Variants in CCL17 observed in about 807,000 individuals in gnomAD.
The protein encoded by CCL17 is C-C motif chemokine 17.
In CCL17, 8 loss-of-function variants were observed where a neutral mutation model predicts 7.4. That is an observed-to-expected ratio of 1.09 (90% confidence interval 0.64 to 1.96). The LOEUF is 1.96. Ranked by LOEUF, CCL17 falls within the 30% of genes most tolerant of loss-of-function variation. The probability of loss-of-function intolerance (pLI) is 0.00; values close to 1 mark genes in which losing one functional copy is unlikely to be tolerated. For synonymous variants in CCL17, 40 were observed against 46.1 expected (o/e 0.87, Z 0.54); for missense variants, 102 against 113.0 (o/e 0.90, Z 0.44).
chr16:57,399,713 G>A, the CCL17 span, among the ~76,000 whole-genome samples: 1 of 152,204 alleles, frequency 6.6e-6, no homozygotes, highest in African/African-American at 2.4e-5. Context: ...CCTCCCAAGT[G>A]TTGGTATTAC....
the CCL17 span, among the ~76,000 whole-genome samples, chr16:57,397,572 A>G: frequency 6.6e-6 from 1 of 151,466 alleles, no homozygotes; most frequent in Non-Finnish European, 1.5e-5. Context: ...CACCTTTTTG[A>G]TGGCTTCAGC....
chr16:57,399,192 TC>T, the CCL17 span, among the ~76,000 whole-genome samples: 1 of 152,176 alleles, frequency 6.6e-6, no homozygotes, highest in East Asian at 1.9e-4. Context: ...TTCCTGGGCC[TC>T]CCCTTCTCCC....
intron 1 of CCL17, among the ~76,000 whole-genome samples, chr16:57,410,219 C>A (rs183678602): frequency 5.1e-4 from 77 of 152,320 alleles, no homozygotes; most frequent in African/African-American, 1.6e-3. Context: ...GGGGCAGGAA[C>A]CTTCCTTCCC....
intron 2 of CCL17, 83 bp downstream of exon 2, chr16:57,414,085 C>A: frequency 1.9e-6 from 2 of 1,060,710 alleles, no homozygotes; most frequent in Admixed American, 2.2e-5. Context: ...GCAATACACA[C>A]GTTTGTGTAT....
chr16:57,402,997 G>A (rs1288777753), upstream of CCL17, among the ~76,000 whole-genome samples: 3 of 125,960 alleles, frequency 2.4e-5, no homozygotes, highest in African/African-American at 3.2e-5. Flanking sequence ...GGCCTAGCAT[G>A]TCAGAGGATA....
chr16:57,398,137 T>C, the CCL17 span, among the ~76,000 whole-genome samples: 2 of 152,206 alleles, frequency 1.3e-5, no homozygotes, highest in Admixed American at 6.5e-5. Flanking sequence ...CTGATAGCCA[T>C]AAATTTCTTT....
At chr16:57,403,486 T>TTATAAATATA (rs1902637349), upstream of CCL17, among the ~76,000 whole-genome samples, 13 of 2,698 alleles carry the variant, frequency 4.8e-3, no homozygotes, top group Non-Finnish European at 8.0e-3. Context: ...TATTATATAA[T>TTATAAATATA]AATATATATA....
At chr16:57,398,009 T>C in the CCL17 span, among the ~76,000 whole-genome samples, 1 of 152,180 alleles carries the variant, frequency 6.6e-6, no homozygotes, top group Non-Finnish European at 1.5e-5. Context: ...TTGGCAGTCA[T>C]GCTCAATTGG....
At position 57,415,945 on chromosome 16, in the gene CCL17, G is replaced by T. The variant is rs542999826; in HGVS notation, c.*84G>T. The T allele has an allele frequency of 9.0e-6, 8 of 890,262 alleles. No homozygotes were observed. The East Asian group carries it at 2.0e-4, about 23-fold the overall frequency. The allele number at this position is 890,262 out of a possible 1,614,324, so 55.1% of individuals were successfully genotyped here. A position where few individuals can be genotyped will look rare whatever the true frequency, so the allele number is the denominator to read the frequency against. Reference sequence around the variant, plus strand: ...GGTGTTCACCGCCCCCACCCTGAGCGCCTGGGTCCAGGGGAGGCCTTCCAG... The same window carrying T: ...GGTGTTCACCGCCCCCACCCTGAGCTCCTGGGTCCAGGGGAGGCCTTCCAG... On this transcript the variant is annotated 3_prime_UTR_variant, in exon 4 of 4. Transcript: ENST00000219244. This position sits in a 1 kb window ranked among gnomAD's most constrained non-coding sequence, Gnocchi z 4.5.
At chr16:57,403,241 A>T (rs1333737953), upstream of CCL17, among the ~76,000 whole-genome samples, 1 of 202 alleles carries the variant, frequency 5.0e-3, no homozygotes, top group African/African-American at 0.019. Context: ...TAATATATAT[A>T]ATATATATTA....
the CCL17 span, among the ~76,000 whole-genome samples, chr16:57,397,152 T>G: frequency 6.6e-6 from 1 of 152,214 alleles, no homozygotes; most frequent in Non-Finnish European, 1.5e-5. Context: ...GATGGTGCCC[T>G]ATTCTTTGTT....
At chr16:57,399,056 T>A in the CCL17 span, among the ~76,000 whole-genome samples, 1 of 152,188 alleles carries the variant, frequency 6.6e-6, no homozygotes, top group African/African-American at 2.4e-5. Flanking sequence ...CTGCTTCCTC[T>A]GGTATTTGAG....
upstream of CCL17, among the ~76,000 whole-genome samples, chr16:57,401,390 A>G (rs1238406550): frequency 6.6e-6 from 1 of 151,846 alleles, no homozygotes; most frequent in African/African-American, 2.4e-5. Context: ...TGGGCATGGC[A>G]GTGCACCCCT....
intron 1 of CCL17, among the ~76,000 whole-genome samples, chr16:57,410,323 G>A (rs539174165): frequency 4.6e-5 from 7 of 152,322 alleles, no homozygotes; most frequent in South Asian, 2.1e-4. Flanking sequence ...GGGCAAGGGC[G>A]GCAGGTGCCT....
intron 2 of CCL17, 84 bp from the exon 3 acceptor site, chr16:57,414,997 A>G (rs1230051998): frequency 1.2e-6 from 1 of 834,712 alleles, no homozygotes; most frequent in Non-Finnish European, 2.1e-6. Context: ...GCACATGCAG[A>G]TCTTCCACGA....
At chr16:57,414,842 A>G (rs1383160181) in intron 2 of CCL17, among the ~76,000 whole-genome samples, 1 of 151,946 alleles carries the variant, frequency 6.6e-6, no homozygotes, top group Non-Finnish European at 1.5e-5. Flanking sequence ...GACACACAAA[A>G]CATGCACACC....
the CCL17 span, among the ~76,000 whole-genome samples, chr16:57,398,675 A>G: frequency 9.2e-5 from 14 of 152,318 alleles, no homozygotes; most frequent in Admixed American, 9.2e-4. Context: ...CCTCTGGCTA[A>G]GATTAGGCCT....
At position 57,415,906 on chromosome 16, in the gene CCL17, G is replaced by GA. The variant is rs1363373367; in HGVS notation, c.*45_*46insA. On this transcript the variant is annotated 3_prime_UTR_variant, in exon 4 of 4. Coordinates refer to ENST00000219244, the MANE Select transcript of CCL17 (RefSeq NM_002987.3). This position sits in a 1 kb window ranked among gnomAD's most constrained non-coding sequence, Gnocchi z 4.5. ...CCTGACTGTCTCCCGGGACTACCTG[G>GA]GACCTCCACCGTTGGTGTTCACCGC... is the stretch of plus-strand genomic sequence containing the variant. The GA allele has an allele frequency of 7.6e-7, 1 of 1,319,956 alleles. No individual in the cohort carries two copies. Among genetic ancestry groups the GA allele is most frequent in the Non-Finnish European group, 1.1e-6 (1 of 912,940 alleles). The allele number at this position is 1,319,956 out of a possible 1,614,324, so 81.8% of individuals were successfully genotyped here.
Position 57,415,073 on chromosome 16 carries a change from C to A in CCL17, c.71-8C>A. ...ACAGACACCCCTGCCCCGCTCCTCT[C>A]CCTGCAGCTCGAGGGACCAATGTGG... On this transcript the variant is annotated splice_polypyrimidine_tract_variant and splice_region_variant and intron_variant, in intron 2 of 3. Coordinates refer to ENST00000219244, the MANE Select transcript of CCL17 (RefSeq NM_002987.3). This position sits in a 1 kb window ranked among gnomAD's most constrained non-coding sequence, Gnocchi z 4.5. 2 of 1,596,442 alleles carry A rather than the reference C, an allele frequency of 1.3e-6. No homozygotes were observed. The highest frequency in any genetic ancestry group is 1.7e-5 in the Admixed American group (1 of 60,004).
Sources: allele counts gnomAD v4.1 joint callset (sites outside exome capture counted in the v4.1 genomes callset), GRCh38; gene constraint gnomAD v4.1.1; non-coding constraint Gnocchi (gnomAD v3.1); transcripts MANE v1.5; gene names NCBI Gene and HGNC (gene_info 2026-07-23, HGNC 2026-07-21).